Variants in GNAO1 observed in about 807,000 individuals in gnomAD.
GNAO1 encodes guanine nucleotide-binding protein G(o) subunit alpha.
For synonymous variants in GNAO1, 164 were observed against 180.7 expected, an observed-to-expected ratio of 0.91 and a Z score of 0.74; for missense variants, 166 against 478.7, an observed-to-expected ratio of 0.35 and a Z score of 6.10.
At chr16:56,231,691 G>C (rs963257362) in intron 2 of GNAO1, among the ~76,000 whole-genome samples, 7 of 152,220 alleles carry the variant, frequency 4.6e-5, no homozygotes, top group African/African-American at 1.7e-4. Context: ...TGTTTGAAAA[G>C]AGCTGCTTCA....
intron 4 of GNAO1, among the ~76,000 whole-genome samples, chr16:56,332,378 G>C (rs2037698090): frequency 1.3e-5 from 2 of 152,030 alleles, no homozygotes; most frequent in Non-Finnish European, 2.9e-5. Flanking sequence ...AGGCCCACTT[G>C]CTCCCTCATT....
intron 3 of GNAO1, among the ~76,000 whole-genome samples, chr16:56,290,183 C>T (rs982674612): frequency 1.3e-5 from 2 of 152,182 alleles, no homozygotes; most frequent in Non-Finnish European, 2.9e-5. Context: ...ACCATCACTT[C>T]CCCTCCCTTG....
intron 2 of GNAO1, among the ~76,000 whole-genome samples, chr16:56,242,733 C>G (rs2036705995): frequency 6.6e-6 from 1 of 152,242 alleles, no homozygotes; most frequent in South Asian, 2.1e-4. Flanking sequence ...ATCTTCATGA[C>G]TTTGGCAAAG....
chr16:56,236,457 G>A (rs2036637941), intron 2 of GNAO1, among the ~76,000 whole-genome samples: 1 of 152,124 alleles, frequency 6.6e-6, no homozygotes, highest in Non-Finnish European at 1.5e-5. Flanking sequence ...TTTCTTAGGA[G>A]CTTTAGACAT....
intron 3 of GNAO1, among the ~76,000 whole-genome samples, chr16:56,295,569 C>T (rs183734228): frequency 3.3e-5 from 5 of 152,224 alleles, no homozygotes; most frequent in Non-Finnish European, 7.4e-5. Flanking sequence ...ACCTTTAAAT[C>T]GAAAGCACCA....
In GNAO1 at chr16:56,298,679, G is replaced by A. The variant is rs571582246; in HGVS notation, c.303+22607G>A. ...TGTAATCCCAGCACTTTAGGAGGCCGAAGCGGGCAGATCACGAGATCAGGA... is the reference window on the plus strand; with the variant it reads ...TGTAATCCCAGCACTTTAGGAGGCCAAAGCGGGCAGATCACGAGATCAGGA... On this transcript the variant is annotated intron_variant, in intron 3 of 8. Transcript: ENST00000262493. 2.6e-5 allele frequency among the ~76,000 whole-genome samples: 4 copies of A among 152,186 alleles called. No individual in the cohort carries two copies. The South Asian group carries it at 6.2e-4, about 24-fold the overall frequency.
At chr16:56,254,699 A>G (rs1438377130) in intron 2 of GNAO1, among the ~76,000 whole-genome samples, 1 of 152,006 alleles carries the variant, frequency 6.6e-6, no homozygotes, top group East Asian at 1.9e-4. Context: ...TATTTCTTCC[A>G]TCTACAGTAT....
intron 2 of GNAO1, among the ~76,000 whole-genome samples, chr16:56,227,711 AAG>A (rs2036545147): frequency 6.6e-6 from 1 of 150,512 alleles, no homozygotes; most frequent in African/African-American, 2.5e-5. Flanking sequence ...AAAAAAAAAA[AAG>A]AATTATGGTC....
intron 2 of GNAO1, among the ~76,000 whole-genome samples, chr16:56,258,914 T>C (rs2032924): frequency 6.6e-6 from 1 of 152,040 alleles, no homozygotes; most frequent in South Asian, 2.1e-4. Context: ...CCCATTGTTA[T>C]TGCTTCTCAT....
intron 6 of GNAO1, among the ~76,000 whole-genome samples, chr16:56,339,396 G>T (rs12930151): frequency 0.34 from 51,037 of 152,180 alleles, 9,573 homozygotes; most frequent in East Asian, 0.54. Flanking sequence ...AATAGCTCCT[G>T]TGGCTACAAC....
At chr16:56,306,456 G>C (rs1425931653) in intron 3 of GNAO1, among the ~76,000 whole-genome samples, 1 of 152,200 alleles carries the variant, frequency 6.6e-6, no homozygotes, top group Non-Finnish European at 1.5e-5. Flanking sequence ...GAGAGGCCCA[G>C]AAAGGGTAGT....
intron 6 of GNAO1, chr16:56,346,045 G>T: frequency 1.0e-6 from 1 of 985,460 alleles, no homozygotes; most frequent in Non-Finnish European, 1.2e-6. Flanking sequence ...AGGAGTGGGT[G>T]CTCAGCCCTT....
At chr16:56,222,313 C>A (rs563060479) in intron 2 of GNAO1, among the ~76,000 whole-genome samples, 21 of 152,204 alleles carry the variant, frequency 1.4e-4, no homozygotes, top group African/African-American at 4.6e-4. Flanking sequence ...GCTTTGCAGT[C>A]CTTTTTCATT....
intron 2 of GNAO1, among the ~76,000 whole-genome samples, chr16:56,220,226 C>A (rs2036471362): frequency 6.6e-6 from 1 of 152,132 alleles, no homozygotes; most frequent in African/African-American, 2.4e-5. Flanking sequence ...TGCCATCATA[C>A]CTACCTGCTT....
chr16:56,284,505 C>T (rs2037146042), intron 3 of GNAO1, among the ~76,000 whole-genome samples: 1 of 152,190 alleles, frequency 6.6e-6, no homozygotes, highest in Admixed American at 6.5e-5. Flanking sequence ...CTGCAGTTTT[C>T]AGTATGGGAA....
At chr16:56,228,763 T>C (rs918041584) in intron 2 of GNAO1, among the ~76,000 whole-genome samples, 33 of 152,238 alleles carry the variant, frequency 2.2e-4, no homozygotes, top group Admixed American at 2.0e-3. Flanking sequence ...GCCCCACTTC[T>C]GTCAGGTCTG....
intron 2 of GNAO1, among the ~76,000 whole-genome samples, chr16:56,212,570 G>C (rs2036399659): frequency 6.6e-6 from 1 of 152,208 alleles, no homozygotes; most frequent in Non-Finnish European, 1.5e-5. Flanking sequence ...ATAGTGTGTA[G>C]AGCAAGAATG....
intron 6 of GNAO1, among the ~76,000 whole-genome samples, chr16:56,337,665 G>T (rs1213764572): frequency 6.6e-6 from 1 of 152,234 alleles, no homozygotes; most frequent in Non-Finnish European, 1.5e-5. Flanking sequence ...CTGCCTGTGG[G>T]GGGCTGTTGG....
At chr16:56,345,858 A>T (rs2037862057) in intron 6 of GNAO1, 1 of 985,378 alleles carries the variant, frequency 1.0e-6, no homozygotes, top group African/African-American at 1.7e-5. Context: ...AGCAGCCGGC[A>T]AAAGGGGGAT....
Sources: gnomAD v4.1 joint callset for allele counts (sites outside exome capture counted in the v4.1 genomes callset) on GRCh38, gnomAD v4.1.1 for gene constraint, MANE v1.5 for transcripts, NCBI Gene and HGNC (gene_info 2026-07-23, HGNC 2026-07-21) for gene names.